RTEL1: variants seen among roughly 807,000 people sequenced by gnomAD.
RTEL1 encodes regulator of telomere length.
Under a neutral mutation model 162.2 loss-of-function variants are expected in RTEL1, and 86 were observed. The observed-to-expected ratio is 0.53, with a 90% CI of 0.45 to 0.63. RTEL1 has a LOEUF of 0.63. Ranked by LOEUF, RTEL1 falls within the 30% of genes least tolerant of loss-of-function variation. The pLI is 0.00. For missense variants in RTEL1, 1,941 were observed against 1,750.2 expected, an observed-to-expected ratio of 1.11 and a Z score of -1.95; for synonymous variants, 958 against 717.9, an observed-to-expected ratio of 1.33 and a Z score of -5.35.
chr20:63,674,223 G>A (rs2090304687), intron 10 of RTEL1, 130 bp downstream of exon 10: 3 of 1,441,568 alleles, frequency 2.1e-6, no homozygotes, highest in South Asian at 2.9e-5. Flanking sequence ...TGAGGCCCGT[G>A]CTACTGCAGT....
chr20:63,674,137 T>C, intron 10 of RTEL1, 44 bp downstream of exon 10: 4 of 1,541,988 alleles, frequency 2.6e-6, no homozygotes, highest in Non-Finnish European at 3.5e-6. Context: ...CCTGCGCTGC[T>C]GCAGGGTGAG....
rs564991571 is a variant in RTEL1, at chr20:63,682,143, C to G, written c.1191+1424C>G. On this transcript the variant is annotated intron_variant, in intron 14 of 34. Coordinates refer to ENST00000360203, the MANE Select transcript of RTEL1 (RefSeq NM_001283009.2). Reference sequence around the variant, plus strand: ...CAGGCTCCCACTTATGGAGAAGTCTCCTCCACACTATGGAACTGAATCCTA... The same window carrying G: ...CAGGCTCCCACTTATGGAGAAGTCTGCTCCACACTATGGAACTGAATCCTA... 134 of 985,448 alleles carry G rather than the reference C, an allele frequency of 1.4e-4. No homozygotes were observed. In the Middle Eastern group the frequency reaches 3.1e-3, roughly 23 times the overall value. 61.0% of individuals were successfully genotyped at this position (985,448 alleles called of 1,614,324 possible). A position where few individuals can be genotyped will look rare whatever the true frequency, so the allele number is the denominator to read the frequency against.
intron 4 of RTEL1, 26 bp from the exon 5 acceptor site, chr20:63,662,520 C>G (rs80224512): frequency 6.2e-7 from 1 of 1,613,188 alleles, no homozygotes; most frequent in Non-Finnish European, 8.5e-7. Context: ...AGCTCCTCCT[C>G]GACCCACGGT....
At chr20:63,676,624 A>T (rs1296816114) in intron 10 of RTEL1, among the ~76,000 whole-genome samples, 1 of 152,150 alleles carries the variant, frequency 6.6e-6, no homozygotes, top group East Asian at 1.9e-4. Flanking sequence ...TCCCATTCAC[A>T]CAGGAAAGGT....
chr20:63,689,799 A>C lies in RTEL1; in HGVS notation c.2075A>C (p.Asn692Thr), dbSNP rs766310761. 6.2e-7 allele frequency: 1 copy of C among 1,612,142 alleles called. No individual in the cohort carries two copies. The highest frequency in any genetic ancestry group is 8.5e-7 in the Non-Finnish European group (1 of 1,179,756). ...WYRQQASRAV[N>T]QAIGRVIRHR... ...CGGCAGCAGGCGTCCAGGGCTGTGA[A>C]CCAGGCCATCGGGCGAGTGATCCGG... The change falls in exon 24 of 35, where the codon AAC becomes ACC. Residue 692 changes from asparagine to threonine, a missense_variant. Physicochemically the swap from Asn to Thr is moderately conservative, Grantham distance 65. Transcript: ENST00000360203.
rs940839668 is a variant in RTEL1 at position 63,691,905 on chromosome 20, C to T, written c.2652+68C>T. On this transcript the variant is annotated intron_variant, in intron 28 of 34. Coordinates refer to ENST00000360203, the MANE Select transcript of RTEL1 (RefSeq NM_001283009.2). Reference sequence around the variant, plus strand: ...CGCATGGGAACGCAGCCGTGGGTGCCCCCAGCCACGGCTGGTCCCGATGGG... The same window carrying T: ...CGCATGGGAACGCAGCCGTGGGTGCTCCCAGCCACGGCTGGTCCCGATGGG... The T allele has an allele frequency of 3.7e-5, 48 of 1,314,424 alleles. 1 individual carries two copies. The South Asian group carries it at 5.1e-4, about 14-fold the overall frequency. The allele number at this position is 1,314,424 out of a possible 1,614,324, so 81.4% of individuals were successfully genotyped here.
chr20:63,663,507 A>G (rs988914685), intron 6 of RTEL1, among the ~76,000 whole-genome samples: 1 of 152,214 alleles, frequency 6.6e-6, no homozygotes, highest in Non-Finnish European at 1.5e-5. Flanking sequence ...ACGTGGCCAC[A>G]GCCTGTGAGG....
Position 63,689,507 on chromosome 20 carries a change from C to T in RTEL1, c.1884C>T (p.Ser628=), listed in dbSNP as rs1294375145. 2.3e-5 allele frequency: 36 copies of T among 1,596,938 alleles called. No individual in the cohort carries two copies. Among genetic ancestry groups the T allele is most frequent in the South Asian group, 3.4e-5 (3 of 88,378 alleles). ...CTCCCTGGTGTGTCCCCTAGGCCAG[C>T]GAGGGGCTGGACTTCTCAGACACGA... ...TFLAVCRGKA[S]EGLDFSDTNG... is the part of the protein sequence containing the mutation. The change falls in exon 23 of 35, where the codon AGC becomes AGT. Residue 628 remains serine (S), a synonymous_variant. Transcript: ENST00000360203.
intron 14 of RTEL1, among the ~76,000 whole-genome samples, chr20:63,683,465 C>T (rs546020277): frequency 1.8e-4 from 27 of 152,352 alleles, no homozygotes; most frequent in African/African-American, 6.5e-4. Context: ...GGAAATTTCT[C>T]TCTCCTTCTG....
In RTEL1 at chr20:63,687,523, G is replaced by A. The variant is rs978111069; in HGVS notation, c.1349-115G>A. On this transcript the variant is annotated intron_variant, in intron 16 of 34. Coordinates refer to ENST00000360203, the MANE Select transcript of RTEL1 (RefSeq NM_001283009.2). ...GCACAGTGGGCCTGGGTGGCTGCCC[G>A]CGGCTCGCTTGCTTGATGCCAGTGG... 26 of 1,222,474 alleles carry A rather than the reference G, an allele frequency of 2.1e-5. 1 individual carries two copies. The highest frequency in any genetic ancestry group is 2.1e-4 in the African/African-American group (14 of 66,314). The allele number at this position is 1,222,474 out of a possible 1,614,324, so 75.7% of individuals were successfully genotyped here.
intron 5 of RTEL1, 96 bp downstream of exon 5, chr20:63,662,723 T>C: frequency 1.9e-6 from 3 of 1,598,758 alleles, no homozygotes; most frequent in Non-Finnish European, 2.6e-6. Context: ...GGCTAGGGTT[T>C]GAAGTTCACT....
intron 14 of RTEL1, chr20:63,682,526 G>C (rs568611995): frequency 2.3e-4 from 226 of 985,768 alleles, no homozygotes; most frequent in Non-Finnish European, 2.6e-4. Flanking sequence ...ACACTCCATC[G>C]GTTTGGAATT....
chr20:63,681,974 A>G (rs1185823048), intron 14 of RTEL1: 1 of 985,268 alleles, frequency 1.0e-6, no homozygotes, highest in Non-Finnish European at 1.2e-6. Context: ...CCGTGCACCT[A>G]TCAGGCGGAC....
chr20:63,695,736 C>G (rs763419419), intron 34 of RTEL1, 42 bp from the exon 35 acceptor site: 37 of 1,594,356 alleles, frequency 2.3e-5, no homozygotes, highest in Non-Finnish European at 2.9e-5. Flanking sequence ...GTCCTGGTGG[C>G]AACGCCTGGC....
At chr20:63,667,887 A>G (rs2090167113) in intron 8 of RTEL1, among the ~76,000 whole-genome samples, 2 of 151,934 alleles carry the variant, frequency 1.3e-5, no homozygotes, top group South Asian at 4.2e-4. Context: ...CACCGAGAAC[A>G]CAGGAAGCCC....
At chr20:63,663,487 C>T (rs764198900) in intron 6 of RTEL1, among the ~76,000 whole-genome samples, 98 of 152,344 alleles carry the variant, frequency 6.4e-4, no homozygotes, top group Admixed American at 6.3e-3. Flanking sequence ...GCAGCTTGCC[C>T]TGTGACTGCA....
At chr20:63,688,270 C>A in intron 19 of RTEL1, 31 bp from the exon 20 acceptor site, 1 of 1,610,224 alleles carries the variant, frequency 6.2e-7, no homozygotes, top group Non-Finnish European at 8.5e-7. Flanking sequence ...ACATCCTGCC[C>A]CTGCCTTGAC....
intron 1 of RTEL1, chr20:63,658,874 G>GAGGGCTGGAGAGGC (rs1569077204): frequency 6.4e-6 from 1 of 157,390 alleles, no homozygotes; most frequent in Non-Finnish European, 1.4e-5. Flanking sequence ...CAGGAGGGCA[G>GAGGGCTGGAGAGGC]AGGGCTGGAG....
chr20:63,690,938 C>G lies in RTEL1; in HGVS notation c.2547C>G (p.Gly849=). 6.4e-7 allele frequency: 1 copy of G among 1,550,392 alleles called. No individual in the cohort carries two copies. ...EHSEQRAGSP[G]EEQAHSCSTL... ...GCGAACAGCGGGCGGGGAGCCCTGG[C>G]GAGGAGCAGGTACAGTTCCAGGGCC... Residue 849 remains glycine, a synonymous_variant, in exon 27 of 35, where the codon GGC becomes GGG. Transcript: ENST00000360203.
Sources: allele counts gnomAD v4.1 joint callset (sites outside exome capture counted in the v4.1 genomes callset), GRCh38; gene constraint gnomAD v4.1.1; transcripts MANE v1.5; gene names NCBI Gene and HGNC (gene_info 2026-07-23, HGNC 2026-07-21).